The following ADAMTS14 variants were observed in gnomAD, a reference collection of about 807,000 sequenced individuals.
The protein encoded by ADAMTS14 is ADAM metallopeptidase with thrombospondin type 1 motif 14.
ADAMTS14 carries 100 observed loss-of-function variants against 128.6 expected under a neutral mutation model. The observed-to-expected ratio is 0.78, with a 90% CI of 0.66 to 0.92. The LOEUF (loss-of-function observed/expected upper bound fraction) is 0.92, where lower values mean the gene tolerates loss of function less well. Among genes scored for constraint, ADAMTS14 ranks in the 40% least tolerant of loss-of-function variants. ADAMTS14 has a pLI of 0.00. For missense variants in ADAMTS14, 1,562 were observed against 1,658.6 expected, an observed-to-expected ratio of 0.94 and a Z score of 1.01; for synonymous variants, 665 against 653.8, an observed-to-expected ratio of 1.02 and a Z score of -0.26.
At position 70,687,240 on chromosome 10, in the gene ADAMTS14, A is replaced by AC. The variant is rs1324766495; in HGVS notation, c.522+12252dup. ...GGGCGGCTGGCTGGGCGGGGGGCTGACCCCCCCACCTCCCTCCCGGACGAG... is the reference window on the plus strand; with the variant it reads ...GGGCGGCTGGCTGGGCGGGGGGCTGACCCCCCCCACCTCCCTCCCGGACGAG... On this transcript the variant is annotated intron_variant, in intron 2 of 21. Transcript: ENST00000373207. Among the ~76,000 whole-genome samples, 86 of 51,960 alleles carry AC rather than the reference A, an allele frequency of 1.7e-3. 2 individuals carry two copies. Among genetic ancestry groups the AC allele is most frequent in the African/African-American group, 5.3e-3 (80 of 14,970 alleles). 34.1% of individuals were successfully genotyped at this position (51,960 alleles called of 152,430 possible).
rs1377791388 is a variant in ADAMTS14, at chr10:70,737,165, C to T, written c.1599+372C>T. On this transcript the variant is annotated intron_variant, in intron 10 of 21. Coordinates refer to ENST00000373207, the MANE Select transcript of ADAMTS14 (RefSeq NM_080722.4). ...GGGAGTGATTAGCAGAGAAGGGATG[C>T]AGAGAAATCTCTGTGTGTCCTGCCT... 2.0e-5 allele frequency among the ~76,000 whole-genome samples: 3 copies of T among 152,138 alleles called. No individual in the cohort carries two copies. In the East Asian group the frequency reaches 5.8e-4, roughly 29 times the overall value.
intron 3 of ADAMTS14, among the ~76,000 whole-genome samples, chr10:70,708,254 A>G (rs1314796287): frequency 1.3e-5 from 2 of 152,194 alleles, no homozygotes; most frequent in South Asian, 2.1e-4. Flanking sequence ...TCTTCATGTT[A>G]TAAGAGAGAC....
rs770333353 is a variant in ADAMTS14 at position 70,733,953 on chromosome 10, C to T, written c.1277C>T (p.Ala426Val). Residue 426 changes from alanine to valine, a missense_variant, in exon 8 of 22, where the codon GCG becomes GTG. Coordinates refer to ENST00000373207, the MANE Select transcript of ADAMTS14 (RefSeq NM_080722.4). ...ADETSLGSVM[A>V]PLVQAAFHRF... The stretch of plus-strand genomic sequence containing the variant: ...GAGACCAGCCTGGGCAGCGTCATGG[C>T]GCCCCTGGTGCAGGCTGCCTTCCAC... The T allele has an allele frequency of 1.2e-5, 20 of 1,613,762 alleles. No homozygotes were observed. The highest frequency in any genetic ancestry group is 2.7e-5 in the African/African-American group (2 of 74,916).
chr10:70,672,793 G>A lies in ADAMTS14; in HGVS notation c.-10G>A. 1.3e-6 allele frequency: 2 copies of A among 1,501,324 alleles called. No homozygotes were observed. Among genetic ancestry groups the A allele is most frequent in the Admixed American group, 2.2e-5 (1 of 46,012 alleles). 93.0% of individuals were successfully genotyped at this position (1,501,324 alleles called of 1,614,324 possible). ...GGGCGCTTGCCCAGCCCGCGTCCCA[G>A]CGCGGCCACATGGCTCCACTCCGCG... On this transcript the variant is annotated 5_prime_UTR_variant, in exon 1 of 22. Transcript: ENST00000373207.
intron 15 of ADAMTS14, among the ~76,000 whole-genome samples, chr10:70,747,520 G>A (rs1352260203): frequency 4.6e-5 from 7 of 152,230 alleles, no homozygotes; most frequent in African/African-American, 1.7e-4. Context: ...TCTATTCCAA[G>A]AAGAGGTGGA....
At chr10:70,702,494 G>A (rs1275363905) in intron 3 of ADAMTS14, 26 bp downstream of exon 3, 1 of 1,577,582 alleles carries the variant, frequency 6.3e-7, no homozygotes, top group Non-Finnish European at 8.6e-7. Flanking sequence ...GGGCCTGTGT[G>A]CTGCTTCTCT....
chr10:70,732,377 G>T lies in ADAMTS14; in HGVS notation c.1208+18G>T. ...GGCCACGTGTAAGTGGCAGCAGCAC[G>T]GTGGGTGGGACTGGCAGCTGTGCCG... On this transcript the variant is annotated intron_variant, in intron 7 of 21. Coordinates refer to ENST00000373207, the MANE Select transcript of ADAMTS14 (RefSeq NM_080722.4). 7 of 1,599,158 alleles carry T rather than the reference G, an allele frequency of 4.4e-6. No homozygotes were observed. Among genetic ancestry groups the T allele is most frequent in the Non-Finnish European group, 6.0e-6 (7 of 1,167,304 alleles).
chr10:70,739,599 C>T (rs1288402543), intron 11 of ADAMTS14, among the ~76,000 whole-genome samples: 1 of 152,000 alleles, frequency 6.6e-6, no homozygotes, highest in Admixed American at 6.6e-5. Context: ...TAGAACAGCA[C>T]CACGGGAGAT....
chr10:70,740,894 T>C, intron 11 of ADAMTS14, 93 bp from the exon 12 acceptor site: 6 of 1,344,858 alleles, frequency 4.5e-6, no homozygotes, highest in Non-Finnish European at 6.2e-6. Context: ...CTATTATGAA[T>C]GGCTGAGCTG....
In ADAMTS14 at chr10:70,749,896, G is replaced by A. The variant is rs780861873; in HGVS notation, c.2338G>A (p.Ala780Thr). 1.1e-5 allele frequency: 17 copies of A among 1,614,108 alleles called. No individual in the cohort carries two copies. Among genetic ancestry groups the A allele is most frequent in the Admixed American group, 5.0e-5 (3 of 60,022 alleles). ...GGAAGCCACAAGCCGGACCTTCACC[G>A]CCATGGGCCTGGAGTGGGAGGATGC... ...GKEATSRTFT[A>T]MGLEWEDAVE... Residue 780 changes from alanine to threonine, a missense_variant, in exon 16 of 22, where the codon GCC (alanine) becomes ACC (threonine). Coordinates refer to ENST00000373207, the MANE Select transcript of ADAMTS14 (RefSeq NM_080722.4).
chr10:70,687,279 C>A (rs1194035474), intron 2 of ADAMTS14, among the ~76,000 whole-genome samples: 1 of 107,122 alleles, frequency 9.3e-6, no homozygotes, highest in African/African-American at 3.1e-5. Context: ...GCTGGCCGGG[C>A]GTGGGGCTGA....
chr10:70,674,313 C>T (rs1245928691), intron 1 of ADAMTS14, among the ~76,000 whole-genome samples: 1 of 152,172 alleles, frequency 6.6e-6, no homozygotes, highest in Non-Finnish European at 1.5e-5. Context: ...CTTTCTTCTG[C>T]TAAGTTTAAA....
At chr10:70,742,313 T>C (rs1842025078) in intron 12 of ADAMTS14, among the ~76,000 whole-genome samples, 1 of 151,778 alleles carries the variant, frequency 6.6e-6, no homozygotes, top group Admixed American at 6.6e-5. Flanking sequence ...AGGAATCTGG[T>C]TCCTGTGGAT....
At chr10:70,730,297 C>T (rs41313842) in intron 6 of ADAMTS14, 48 bp downstream of exon 6, 86,105 of 1,579,730 alleles carry the variant, frequency 0.055, 2,647 homozygotes, top group Middle Eastern at 0.097. Flanking sequence ...GCAGCATGCA[C>T]GGCAGACAGA....
At chr10:70,697,777 A>C (rs56082094) in intron 2 of ADAMTS14, among the ~76,000 whole-genome samples, 1 of 151,670 alleles carries the variant, frequency 6.6e-6, no homozygotes, top group South Asian at 2.1e-4. Context: ...TTACACCCTG[A>C]GGGGCTTTCC....
Position 70,684,707 on chromosome 10 carries a change from A to C in ADAMTS14, c.522+9712A>C, listed in dbSNP as rs1370181434. 2.6e-5 allele frequency among the ~76,000 whole-genome samples: 4 copies of C among 152,332 alleles called. No individual in the cohort carries two copies. In the East Asian group the frequency reaches 7.7e-4, roughly 29 times the overall value. On this transcript the variant is annotated intron_variant, in intron 2 of 21. Coordinates refer to ENST00000373207, the MANE Select transcript of ADAMTS14 (RefSeq NM_080722.4). ...TTCTTCCTGCTGATGTCTTAGAATA[A>C]ATAAGGAAACTGAGGCAGGATCCAC...
intron 4 of ADAMTS14, among the ~76,000 whole-genome samples, chr10:70,715,085 A>C (rs1411583334): frequency 1.3e-5 from 2 of 152,114 alleles, no homozygotes; most frequent in Non-Finnish European, 2.9e-5. Flanking sequence ...CGGGAGATGA[A>C]GTTTGTGATA....
intron 4 of ADAMTS14, among the ~76,000 whole-genome samples, chr10:70,710,924 G>C (rs1840834295): frequency 6.6e-6 from 1 of 152,220 alleles, no homozygotes; most frequent in African/African-American, 2.4e-5. Flanking sequence ...GGAAACATTG[G>C]TAGGGCGCTG....
At chr10:70,702,732 C>G (rs1419537048) in intron 3 of ADAMTS14, among the ~76,000 whole-genome samples, 2 of 152,122 alleles carry the variant, frequency 1.3e-5, no homozygotes, top group Non-Finnish European at 2.9e-5. Flanking sequence ...GAGGAGCTCA[C>G]CATTGCTTCT....
Sources: gnomAD v4.1 joint callset for allele counts (sites outside exome capture counted in the v4.1 genomes callset) on GRCh38, gnomAD v4.1.1 for gene constraint, MANE v1.5 for transcripts, NCBI Gene and HGNC (gene_info 2026-07-23, HGNC 2026-07-21) for gene names.